The following ZNF41 variants were observed in gnomAD, a reference collection of about 807,000 sequenced individuals.
ZNF41 encodes the protein zinc finger protein 41.
Under a neutral mutation model 9.3 loss-of-function variants are expected in ZNF41, and 6 were observed. The ratio of observed to expected loss-of-function variants is 0.65; its 90% CI spans 0.35 to 1.28. The LOEUF (loss-of-function observed/expected upper bound fraction) is 1.28, where lower values mean the gene tolerates loss of function less well. ZNF41 is among the 50% of genes most tolerant of loss of function. The probability of loss-of-function intolerance (pLI) is 0.03; values close to 1 mark genes in which losing one functional copy is unlikely to be tolerated. For synonymous variants in ZNF41, 192 were observed against 207.1 expected, an observed-to-expected ratio of 0.93 and a Z score of 0.63; for missense variants, 523 against 585.8, an observed-to-expected ratio of 0.89 and a Z score of 1.11.
At position 47,449,059 on chromosome X, in the gene ZNF41, T is replaced by G. The variant is rs749222624; in HGVS notation, c.711A>C (p.Lys237Asn). 2 of 1,211,567 alleles carry G rather than the reference T, an allele frequency of 1.7e-6. No individual in the cohort carries two copies. Among genetic ancestry groups the G allele is most frequent in the South Asian group, 3.5e-5 (2 of 56,984 alleles). Reference sequence around the variant, plus strand: ...CATGTTCACAGGAATTTGCTCCTGTTTTAGCATTCTCATTCTTAGTAGAGG... The same window carrying G: ...CATGTTCACAGGAATTTGCTCCTGTGTTAGCATTCTCATTCTTAGTAGAGG... Reference protein sequence around the residue: ...SPSSTKNENAKTGANSCEHDH... With the variant: ...SPSSTKNENANTGANSCEHDH... Residue 237 changes from lysine to asparagine, a missense_variant, in exon 5 of 5, where the codon AAA becomes AAC. Physicochemically the swap from Lys to Asn is moderately conservative, Grantham distance 94. Coordinates refer to ENST00000684689, the MANE Select transcript of ZNF41 (RefSeq NM_001324144.2).
chrX:47,449,596 G>A, intron 4 of ZNF41, 122 bp from the exon 5 acceptor site: 1 of 766,148 alleles, frequency 1.3e-6, no homozygotes, highest in Non-Finnish European at 1.9e-6. Flanking sequence ...CAATATAGTA[G>A]TAATAATGTA....
chrX:47,448,962 G>C lies in ZNF41; in HGVS notation c.808C>G (p.Leu270Val), dbSNP rs941077485. The change falls in exon 5 of 5, where the codon CTT becomes GTT. Residue 270 changes from leucine (L) to valine (V), a missense_variant. Physicochemically the swap from Leu to Val is conservative, Grantham distance 32. Transcript: ENST00000684689. ...HHQKIHPEEK[L>V]YVCTECVMGF... ...ATTACACATTCAGTACACACATAAA[G>C]CTTCTCCTCAGGATGAATTTTCTGA... 10 of 1,209,629 alleles carry C rather than the reference G, an allele frequency of 8.3e-6. No individual in the cohort carries two copies. The highest frequency in any genetic ancestry group is 1.1e-5 in the Non-Finnish European group (10 of 895,179).
At chrX:47,462,940 TATATATACACACACACACA>T (rs2056855795) in intron 2 of ZNF41, among the ~76,000 whole-genome samples, 3 of 88,031 alleles carry the variant, frequency 3.4e-5, no homozygotes, top group Non-Finnish European at 4.7e-5. Flanking sequence ...CACACATATA[TATATATACACACACACACA>T]CACACACATA....
intron 4 of ZNF41, among the ~76,000 whole-genome samples, chrX:47,451,125 G>A (rs943110805): frequency 7.2e-5 from 8 of 111,861 alleles, no homozygotes; most frequent in Non-Finnish European, 1.1e-4. Flanking sequence ...TAACAGAAAG[G>A]ACAAATACAC....
At chrX:47,458,766 G>A (rs1030266829) in intron 2 of ZNF41, among the ~76,000 whole-genome samples, 4 of 103,596 alleles carry the variant, frequency 3.9e-5, no homozygotes, top group South Asian at 4.3e-4. Flanking sequence ...ATGCTGCTTC[G>A]TTTTTTTTTT....
At chrX:47,469,654 C>A (rs999976264) in intron 1 of ZNF41, among the ~76,000 whole-genome samples, 1 of 111,781 alleles carries the variant, frequency 8.9e-6, no homozygotes, top group East Asian at 2.8e-4. Context: ...CCAAGGCGAG[C>A]GGATCACGAA....
intron 1 of ZNF41, among the ~76,000 whole-genome samples, chrX:47,481,467 A>G (rs781084000): frequency 5.4e-5 from 6 of 110,307 alleles, no homozygotes; most frequent in Non-Finnish European, 1.1e-4. Flanking sequence ...TGGGCAACAT[A>G]GTGAGACCCC....
At chrX:47,453,733 A>G (rs956635309) in intron 4 of ZNF41, among the ~76,000 whole-genome samples, 5 of 112,275 alleles carry the variant, frequency 4.5e-5, no homozygotes, top group African/African-American at 1.6e-4. Flanking sequence ...CAATGGAATC[A>G]GCAAATAAAA....
intron 2 of ZNF41, among the ~76,000 whole-genome samples, chrX:47,466,198 C>CAA (rs765791637): frequency 6.3e-4 from 66 of 105,093 alleles, no homozygotes; most frequent in Non-Finnish European, 3.5e-4. Context: ...ATAAAATGAC[C>CAA]AAAAAAAAAA....
chrX:47,460,748 A>C (rs908471997), intron 2 of ZNF41, among the ~76,000 whole-genome samples: 1 of 112,178 alleles, frequency 8.9e-6, no homozygotes, highest in Non-Finnish European at 1.9e-5. Context: ...GACTGATAAT[A>C]CCAAGTGTTG....
Position 47,467,450 on chromosome X carries a change from G to A in ZNF41, c.32C>T (p.Ser11Phe). The A allele has an allele frequency of 8.4e-7, 1 of 1,189,176 alleles. No homozygotes were observed. Among genetic ancestry groups the A allele is most frequent in the South Asian group, 1.8e-5 (1 of 54,102 alleles). ...ACGTCCCTCTGCAGCCAGGGCCGGG[G>A]ACCATGGGGGAGAGTCCCCATTAGC... MAANGDSPPW[S>F]PALAAEGRGS... The change falls in exon 2 of 5, where the codon TCC becomes TTC. Residue 11 changes from serine (S) to phenylalanine (F), a missense_variant. By Grantham distance (155) the Ser-to-Phe change is radical. Transcript: ENST00000684689.
intron 1 of ZNF41, among the ~76,000 whole-genome samples, chrX:47,469,104 G>A (rs1198575361): frequency 9.3e-6 from 1 of 107,312 alleles, no homozygotes; most frequent in African/African-American, 3.4e-5. Flanking sequence ...GAGGTCAGGA[G>A]ATCGAGACCA....
At position 47,448,779 on chromosome X, in the gene ZNF41, G is replaced by A; in HGVS notation, c.991C>T (p.Gln331Ter). Residue 331 changes from glutamine to a stop codon, truncating the protein, a stop_gained, in exon 5 of 5, where the codon CAA becomes TAA. Transcript: ENST00000684689. LOFTEE classifies it low-confidence loss of function (END_TRUNC). ...TTGAGGGTAAAGACTTTCCCACATT[G>A]AGTACACAGATAGGGTTTTTCTCCT... ...YTGEKPYLCTQCGKVFTLKSN... is the reference protein window; with the variant it reads ...YTGEKPYLCT 3 of 1,211,693 alleles carry A rather than the reference G, an allele frequency of 2.5e-6. No individual in the cohort carries two copies. Among genetic ancestry groups the A allele is most frequent in the Non-Finnish European group, 2.2e-6 (2 of 895,516 alleles).
rs2056147520 is a variant in ZNF41, at chrX:47,447,334, T to C, written c.*96A>G. 9 of 1,119,247 alleles carry C rather than the reference T, an allele frequency of 8.0e-6. No individual in the cohort carries two copies. The highest frequency in any genetic ancestry group is 1.1e-5 in the Non-Finnish European group (9 of 821,417). 92.2% of individuals were successfully genotyped at this position (1,119,247 alleles called of 1,213,427 possible). ...TCAAGCCTCAGTCTCTCATACCCAT[T>C]TCCCCCTGTACAATGATTGCAGCAA... On this transcript the variant is annotated 3_prime_UTR_variant, in exon 5 of 5. Coordinates refer to ENST00000684689, the MANE Select transcript of ZNF41 (RefSeq NM_001324144.2).
Position 47,456,026 on chromosome X carries a change from G to A in ZNF41, c.200-10C>T, listed in dbSNP as rs773026019. 1 of 1,203,214 alleles carries A rather than the reference G, an allele frequency of 8.3e-7. No homozygotes were observed. Among genetic ancestry groups the A allele is most frequent in the South Asian group, 1.8e-5 (1 of 56,830 alleles). On this transcript the variant is annotated splice_polypyrimidine_tract_variant and intron_variant, in intron 3 of 4. Transcript: ENST00000684689. ...TTGGGAATTTGGTACCCTGTTAACA[G>A]GACATGATACACGATTGGGTCCAGC...
chrX:47,476,541 C>A (rs1011585554), intron 1 of ZNF41, among the ~76,000 whole-genome samples: 3 of 111,403 alleles, frequency 2.7e-5, no homozygotes, highest in South Asian at 7.4e-4. Flanking sequence ...AGAAGATATA[C>A]AGATGGGCAA....
At position 47,446,491 on chromosome X, in the gene ZNF41, T is replaced by G. The variant is rs1378032446; in HGVS notation, c.*939A>C. On this transcript the variant is annotated 3_prime_UTR_variant, in exon 5 of 5. Transcript: ENST00000684689. The stretch of plus-strand genomic sequence containing the variant: ...CAGGAAATCCCAAGGAAAGCAGGGG[T>G]GTTGGTGGGTTAGCCTGAAAATCTA... 1 of 109,431 alleles carries G rather than the reference T, an allele frequency of 9.1e-6. No homozygotes were observed. Among genetic ancestry groups the G allele is most frequent in the East Asian group, 2.8e-4 (1 of 3,513 alleles). The allele number at this position is 109,431 out of a possible 1,213,427, so 9.0% of individuals were successfully genotyped here.
At chrX:47,477,548 A>C (rs971480350) in intron 1 of ZNF41, among the ~76,000 whole-genome samples, 2 of 112,462 alleles carry the variant, frequency 1.8e-5, no homozygotes, top group African/African-American at 6.4e-5. Flanking sequence ...AAGCCAAAAA[A>C]ATTTTTTAAA....
In ZNF41 at chrX:47,483,152, T is replaced by C. The variant is rs2057529194; in HGVS notation, c.-337A>G. 8.9e-6 allele frequency among the ~76,000 whole-genome samples: 1 copy of C among 111,787 alleles called. No homozygotes were observed. ...GACCCCGGCCGGCTGCGGGAAACAC[T>C]CGGCGTCTCGGCTGTCACCGAACCT... is the stretch of plus-strand genomic sequence containing the variant. On this transcript the variant is annotated 5_prime_UTR_variant, in exon 1 of 5. Coordinates refer to ENST00000684689, the MANE Select transcript of ZNF41 (RefSeq NM_001324144.2).
Sources: allele counts gnomAD v4.1 joint callset (sites outside exome capture counted in the v4.1 genomes callset), GRCh38; gene constraint gnomAD v4.1.1; transcripts MANE v1.5; gene names NCBI Gene and HGNC (gene_info 2026-07-23, HGNC 2026-07-21).